TGFA: variants seen among roughly 807,000 people sequenced by gnomAD.
TGFA encodes the protein transforming growth factor alpha.
Under a neutral mutation model 21.7 loss-of-function variants are expected in TGFA, and 12 were observed. That is an observed-to-expected ratio of 0.55 (90% CI 0.35 to 0.90). The LOEUF (loss-of-function observed/expected upper bound fraction) is 0.90, where lower values mean the gene tolerates loss of function less well. TGFA is among the 40% of genes least tolerant of loss of function. The pLI, the probability that TGFA is intolerant of heterozygous loss-of-function variation, is 0.01. For missense variants in TGFA, 178 were observed against 210.8 expected (o/e 0.84, Z 0.96); for synonymous variants, 79 against 88.1 (o/e 0.90, Z 0.58).
rs540699024 is a variant in TGFA, at chr2:70,456,544, G to C, written c.216-56C>G. On this transcript the variant is annotated intron_variant, in intron 3 of 5. Transcript: ENST00000295400. Reference sequence around the variant, plus strand: ...CCTGACAAAAGGTCTTGTTACCCTAGCTCTCCAGGGAGGGCTTTCCTGGAG... The same window carrying C: ...CCTGACAAAAGGTCTTGTTACCCTACCTCTCCAGGGAGGGCTTTCCTGGAG... 3.7e-4 allele frequency: 573 copies of C among 1,537,460 alleles called. 6 individuals are homozygous for C. The South Asian group carries it at 6.7e-3, about 18-fold the overall frequency.
Position 70,473,833 on chromosome 2 carries a change from C to T in TGFA, c.95-8097G>A, listed in dbSNP as rs1332817470. Among the ~76,000 whole-genome samples the T allele has an allele frequency of 2.0e-5, 3 of 151,856 alleles. 1 individual carries two copies. The highest frequency in any genetic ancestry group is 7.3e-5 in the African/African-American group (3 of 41,290). ...TACCATCATTTAAGAGGGAAGGGGC[C>T]TTCGTTGTAGTTAAGCAGTGAAAGA... On this transcript the variant is annotated intron_variant, in intron 2 of 5. Coordinates refer to ENST00000295400, the MANE Select transcript of TGFA (RefSeq NM_003236.4).
chr2:70,508,599 CAAGTA>C (rs1455394548), intron 2 of TGFA, among the ~76,000 whole-genome samples: 1 of 152,096 alleles, frequency 6.6e-6, no homozygotes, highest in Admixed American at 6.5e-5. Flanking sequence ...GTAATTCATG[CAAGTA>C]AAGTGATGCA....
At chr2:70,497,706 T>G (rs989917483) in intron 2 of TGFA, among the ~76,000 whole-genome samples, 2 of 152,226 alleles carry the variant, frequency 1.3e-5, no homozygotes, top group Non-Finnish European at 2.9e-5. Flanking sequence ...TGGCCTGTGA[T>G]CTGCTGCTTG....
chr2:70,531,566 C>T (rs1472159118), intron 1 of TGFA, among the ~76,000 whole-genome samples: 4 of 152,198 alleles, frequency 2.6e-5, no homozygotes, highest in Non-Finnish European at 5.9e-5. Context: ...ATACACTGCG[C>T]TTGTATCACC....
At chr2:70,483,765 T>C (rs892802654) in intron 2 of TGFA, among the ~76,000 whole-genome samples, 5 of 152,200 alleles carry the variant, frequency 3.3e-5, no homozygotes, top group Non-Finnish European at 7.4e-5. Flanking sequence ...CCTGACATTC[T>C]CATAAACACC....
At position 70,450,688 on chromosome 2, in the gene TGFA, G is replaced by T; in HGVS notation, c.*171C>A. On this transcript the variant is annotated 3_prime_UTR_variant, in exon 6 of 6. Transcript: ENST00000295400. The stretch of plus-strand genomic sequence containing the variant: ...AGGTCACACTGAATAACCCCAAGCA[G>T]ACGGAGTTCTTGACAGAGTTTTGAA... 1 of 672,374 alleles carries T rather than the reference G, an allele frequency of 1.5e-6. No individual in the cohort carries two copies. The highest frequency in any genetic ancestry group is 1.9e-5 in the South Asian group (1 of 52,252). 41.7% of individuals were successfully genotyped at this position (672,374 alleles called of 1,614,324 possible).
chr2:70,507,060 G>T (rs1289711000), intron 2 of TGFA, among the ~76,000 whole-genome samples: 1 of 152,254 alleles, frequency 6.6e-6, no homozygotes, highest in Non-Finnish European at 1.5e-5. Context: ...TCCTGTGAGT[G>T]CTGCTGTGCA....
chr2:70,481,643 GC>G, intron 2 of TGFA, among the ~76,000 whole-genome samples: 1 of 152,288 alleles, frequency 6.6e-6, no homozygotes, highest in South Asian at 2.1e-4. Context: ...GCTGGTCTGT[GC>G]GACCAATAGA....
At chr2:70,459,223 T>C (rs1670337677) in intron 3 of TGFA, among the ~76,000 whole-genome samples, 1 of 152,192 alleles carries the variant, frequency 6.6e-6, no homozygotes, top group Admixed American at 6.5e-5. Context: ...ACATCAATAC[T>C]GGAGACCCCA....
chr2:70,520,121 A>C (rs1369233120), intron 1 of TGFA, among the ~76,000 whole-genome samples: 1 of 152,182 alleles, frequency 6.6e-6, no homozygotes, highest in African/African-American at 2.4e-5. Context: ...ATGGGGCTTC[A>C]TGTTGGTCCT....
chr2:70,510,218 C>T (rs782402087), intron 2 of TGFA, among the ~76,000 whole-genome samples: 1 of 152,210 alleles, frequency 6.6e-6, no homozygotes, highest in Non-Finnish European at 1.5e-5. Context: ...GCAGAGAAAG[C>T]CTGCTCCTTT....
intron 1 of TGFA, among the ~76,000 whole-genome samples, chr2:70,536,172 C>T (rs906386452): frequency 6.6e-6 from 1 of 152,178 alleles, no homozygotes; most frequent in Non-Finnish European, 1.5e-5. Context: ...GAAATAGCTT[C>T]TGAATCATTA....
chr2:70,492,886 A>G (rs113396532), intron 2 of TGFA, among the ~76,000 whole-genome samples: 2,010 of 152,298 alleles, frequency 0.013, 42 homozygotes, highest in African/African-American at 0.046. Context: ...AAAACTTTAC[A>G]TTTAGTTAGA....
At chr2:70,476,107 A>AAAAG (rs1386534318) in intron 2 of TGFA, among the ~76,000 whole-genome samples, 1 of 140,506 alleles carries the variant, frequency 7.1e-6, no homozygotes, top group African/African-American at 2.7e-5. Context: ...AAAAAAAAAA[A>AAAAG]TTAAGAAAAT....
chr2:70,531,237 G>GT (rs1364553327), intron 1 of TGFA, among the ~76,000 whole-genome samples: 1 of 152,126 alleles, frequency 6.6e-6, no homozygotes, highest in African/African-American at 2.4e-5. Context: ...CATTAGCTGT[G>GT]TTTTTTTGCC....
At chr2:70,498,154 G>C (rs191562128) in intron 2 of TGFA, among the ~76,000 whole-genome samples, 2 of 152,254 alleles carry the variant, frequency 1.3e-5, no homozygotes, top group Admixed American at 6.5e-5. Flanking sequence ...GGGTGAAAGA[G>C]CTGGAGCAGC....
intron 1 of TGFA, among the ~76,000 whole-genome samples, chr2:70,523,372 C>A (rs1421045691): frequency 6.6e-6 from 1 of 152,150 alleles, no homozygotes; most frequent in East Asian, 1.9e-4. Flanking sequence ...GCAAGACTTG[C>A]CACAAGGAGT....
intron 1 of TGFA, among the ~76,000 whole-genome samples, chr2:70,537,093 A>G (rs1171562618): frequency 6.6e-6 from 1 of 150,670 alleles, no homozygotes; most frequent in African/African-American, 2.4e-5. Flanking sequence ...AATAATCACA[A>G]TTCATTATTA....
intron 2 of TGFA, among the ~76,000 whole-genome samples, chr2:70,494,780 G>A (rs1303992695): frequency 6.6e-6 from 1 of 152,048 alleles, no homozygotes; most frequent in Non-Finnish European, 1.5e-5. Flanking sequence ...TTTTTCTTTT[G>A]TGACTTGCCT....
Sources: gnomAD v4.1 joint callset for allele counts (sites outside exome capture counted in the v4.1 genomes callset) on GRCh38, gnomAD v4.1.1 for gene constraint, MANE v1.5 for transcripts, NCBI Gene and HGNC (gene_info 2026-07-23, HGNC 2026-07-21) for gene names.